TIAM1: variants seen among roughly 807,000 people sequenced by gnomAD.
TIAM1 encodes rho guanine nucleotide exchange factor TIAM1.
TIAM1 carries 65 observed loss-of-function variants against 163.5 expected under a neutral mutation model. The observed-to-expected ratio is 0.40, with a 90% CI of 0.33 to 0.49. The LOEUF (loss-of-function observed/expected upper bound fraction) is 0.49. TIAM1 is among the 20% of genes least tolerant of loss of function. The pLI is 0.77. For missense variants in TIAM1, 1,789 were observed against 2,044.7 expected (o/e 0.87, Z 2.41); for synonymous variants, 833 against 810.1 (o/e 1.03, Z -0.48).
chr21:31,404,803 TCAACTTCTTGTAAGTAAGTCCA>T (rs1001659805), intron 2 of TIAM1, among the ~76,000 whole-genome samples: 5 of 152,182 alleles, frequency 3.3e-5, no homozygotes, highest in African/African-American at 1.2e-4. Flanking sequence ...CTATTATCTT[TCAACTTCTTGTAAGTAAGTCCA>T]CAATTATTTA....
chr21:31,430,219 A>ATATATAT (rs1292945573), intron 2 of TIAM1, among the ~76,000 whole-genome samples: 6 of 110,976 alleles, frequency 5.4e-5, no homozygotes, highest in African/African-American at 2.7e-4. Flanking sequence ...AGAAAAAAAA[A>ATATATAT]AAAAAAATAT....
intron 2 of TIAM1, among the ~76,000 whole-genome samples, chr21:31,374,029 C>T (rs970248034): frequency 2.6e-5 from 4 of 151,990 alleles, no homozygotes; most frequent in Admixed American, 2.6e-4. Flanking sequence ...CTCTAAATGG[C>T]CTTTCCCCTC....
At chr21:31,423,746 CT>C (rs1336621939) in intron 2 of TIAM1, among the ~76,000 whole-genome samples, 1 of 125,824 alleles carries the variant, frequency 7.9e-6, no homozygotes, top group African/African-American at 3.0e-5. Context: ...AAACATTATG[CT>C]ACGTGAAAGA....
intron 14 of TIAM1, among the ~76,000 whole-genome samples, chr21:31,183,982 T>C (rs1486349622): frequency 9.9e-5 from 15 of 152,174 alleles, no homozygotes; most frequent in Admixed American, 9.8e-4. Flanking sequence ...GAAGTCTCAC[T>C]CTGTTGCCCA....
At chr21:31,430,379 G>A (rs2043984006) in intron 2 of TIAM1, among the ~76,000 whole-genome samples, 3 of 151,066 alleles carry the variant, frequency 2.0e-5, no homozygotes, top group African/African-American at 7.3e-5. Context: ...CAAGAGCTAA[G>A]TAAACCCCAG....
chr21:31,143,700 A>C (rs1046373267), intron 20 of TIAM1, among the ~76,000 whole-genome samples: 4 of 151,990 alleles, frequency 2.6e-5, no homozygotes, highest in Admixed American at 1.3e-4. Context: ...AAGATGCTAT[A>C]AAAGGGCATC....
chr21:31,424,768 T>A (rs1023885826), intron 2 of TIAM1, among the ~76,000 whole-genome samples: 1 of 152,186 alleles, frequency 6.6e-6, no homozygotes, highest in Admixed American at 6.6e-5. Context: ...AGTGCTAAGA[T>A]GGGCTGGCGC....
chr21:31,300,653 A>G (rs952863025), intron 2 of TIAM1, among the ~76,000 whole-genome samples: 1 of 152,240 alleles, frequency 6.6e-6, no homozygotes, highest in Non-Finnish European at 1.5e-5. Context: ...AGTTTTTGCA[A>G]AAGATTATTG....
intron 5 of TIAM1, among the ~76,000 whole-genome samples, chr21:31,247,017 G>A (rs184940355): frequency 6.6e-6 from 1 of 152,182 alleles, no homozygotes; most frequent in African/African-American, 2.4e-5. Context: ...CTATGCTAAT[G>A]CTTTTTTGAA....
chr21:31,557,429 TA>T (rs1429086858), intron 1 of TIAM1, among the ~76,000 whole-genome samples: 2 of 152,228 alleles, frequency 1.3e-5, no homozygotes, highest in Non-Finnish European at 2.9e-5. Context: ...TATGGTCGTT[TA>T]AGCCCCGCCC....
intron 2 of TIAM1, among the ~76,000 whole-genome samples, chr21:31,327,802 A>G (rs845960): frequency 0.15 from 22,645 of 152,036 alleles, 1,823 homozygotes; most frequent in Non-Finnish European, 0.19. Flanking sequence ...ATGCCCAAAC[A>G]CAGGCTTACT....
chr21:31,511,876 G>T (rs1248641457), intron 1 of TIAM1, among the ~76,000 whole-genome samples: 1 of 152,106 alleles, frequency 6.6e-6, no homozygotes, highest in South Asian at 2.1e-4. Context: ...TTTAATTTGA[G>T]AATCTATTTG....
At chr21:31,367,122 T>G (rs2076516960) in intron 2 of TIAM1, among the ~76,000 whole-genome samples, 1 of 141,034 alleles carries the variant, frequency 7.1e-6, no homozygotes, top group African/African-American at 2.7e-5. Flanking sequence ...AGGCAAGAAG[T>G]AAGGAGAGAA....
Position 31,206,549 on chromosome 21 carries a change from G to T in TIAM1, c.2388+3496C>A, listed in dbSNP as rs1259959367. 3.3e-5 allele frequency among the ~76,000 whole-genome samples: 5 copies of T among 152,210 alleles called. No homozygotes were observed. In the East Asian group the frequency reaches 7.7e-4, roughly 23 times the overall value. On this transcript the variant is annotated intron_variant, in intron 11 of 27. Transcript: ENST00000541036. ...ATTCAGTTAGGAAAAAATTTAAATG[G>T]TATAAATTTGTTTTCCAATGTACAT...
At chr21:31,262,553 A>G (rs2256888) in intron 4 of TIAM1, among the ~76,000 whole-genome samples, 5,903 of 152,308 alleles carry the variant, frequency 0.039, 323 homozygotes, top group African/African-American at 0.12. Flanking sequence ...AAATACACGA[A>G]TTAAACCAAA....
upstream of TIAM1, among the ~76,000 whole-genome samples, chr21:31,348,344 G>T (rs1047893701): frequency 6.6e-6 from 1 of 152,142 alleles, no homozygotes; most frequent in Admixed American, 6.5e-5. Flanking sequence ...AAGAAGTGCT[G>T]GCACCAACGC....
chr21:31,405,362 A>G (rs2077229175), intron 2 of TIAM1, among the ~76,000 whole-genome samples: 1 of 152,000 alleles, frequency 6.6e-6, no homozygotes. Context: ...AGCACAGTTC[A>G]CTCTCTTCAA....
chr21:31,136,837 A>G (rs2082641174), intron 22 of TIAM1, among the ~76,000 whole-genome samples: 1 of 152,252 alleles, frequency 6.6e-6, no homozygotes, highest in African/African-American at 2.4e-5. Context: ...TGGGAAATGT[A>G]GGCAAATTAT....
intron 1 of TIAM1, among the ~76,000 whole-genome samples, chr21:31,554,335 G>A (rs947386364): frequency 4.6e-5 from 7 of 152,190 alleles, no homozygotes; most frequent in South Asian, 2.1e-4. Flanking sequence ...ATACTCTAGC[G>A]GGGCAGAAGC....
Sources: gnomAD v4.1 joint callset for allele counts (sites outside exome capture counted in the v4.1 genomes callset) on GRCh38, gnomAD v4.1.1 for gene constraint, MANE v1.5 for transcripts, NCBI Gene and HGNC (gene_info 2026-07-23, HGNC 2026-07-21) for gene names.